TRANK1: variants seen among roughly 807,000 people sequenced by gnomAD.
The protein encoded by TRANK1 is TPR and ankyrin repeat-containing protein 1.
In TRANK1, 198 loss-of-function variants were observed where a neutral mutation model predicts 266.0. The ratio of observed to expected loss-of-function variants is 0.74; its 90% CI spans 0.66 to 0.84. TRANK1 has a LOEUF of 0.84. Among genes scored for constraint, TRANK1 ranks in the 40% least tolerant of loss-of-function variants. The pLI, the probability that TRANK1 is intolerant of heterozygous loss-of-function variation, is 0.00. For missense variants in TRANK1, 3,326 were observed against 3,634.6 expected (o/e 0.92, Z 2.18); for synonymous variants, 1,396 against 1,384.1 (o/e 1.01, Z -0.19).
Position 36,856,305 on chromosome 3 carries a change from C to T in TRANK1, c.3417G>A (p.Glu1139=), listed in dbSNP as rs774168374. The T allele has an allele frequency of 2.7e-5, 42 of 1,581,672 alleles. No individual in the cohort carries two copies. The highest frequency in any genetic ancestry group is 3.6e-5 in the Non-Finnish European group (42 of 1,163,748). ...CCACTTCAATAGAATCTTCCTCTTC[C>T]TCGTCCTCTTCCTCCTCCTCTTCCT... ...GGEEEEEEED[E]EEEDSIEVET... The change falls in exon 13 of 24, where the codon GAG becomes GAA. Residue 1139 remains glutamate (E), a synonymous_variant. Coordinates refer to ENST00000645898, the MANE Select transcript of TRANK1 (RefSeq NM_001329998.2).
At chr3:36,843,192 T>C (rs1428195590) in intron 17 of TRANK1, among the ~76,000 whole-genome samples, 1 of 152,172 alleles carries the variant, frequency 6.6e-6, no homozygotes, top group Non-Finnish European at 1.5e-5. Flanking sequence ...GTCTTTCTAG[T>C]ATTCATGTAA....
At chr3:36,838,766 A>G in intron 18 of TRANK1, 50 bp from the exon 19 acceptor site, 3 of 1,552,290 alleles carry the variant, frequency 1.9e-6, no homozygotes, top group Non-Finnish European at 2.6e-6. Context: ...GAGGTAACAG[A>G]CAGAACAACG....
chr3:36,914,830 G>C (rs993841600), intron 1 of TRANK1, among the ~76,000 whole-genome samples: 1 of 151,498 alleles, frequency 6.6e-6, no homozygotes, highest in Non-Finnish European at 1.5e-5. Flanking sequence ...TAGAGACGGG[G>C]TTTCACCATG....
At chr3:36,865,024 G>GTTGTTTTTTTT (rs58393381) in intron 9 of TRANK1, among the ~76,000 whole-genome samples, 2 of 119,808 alleles carry the variant, frequency 1.7e-5, no homozygotes, top group African/African-American at 3.4e-5. Context: ...TGTTTTTTTG[G>GTTGTTTTTTTT]TTTTTTTTTT....
In TRANK1 at chr3:36,892,285, T is replaced by G; in HGVS notation, c.692A>C (p.Gln231Pro). The change falls in exon 7 of 24, where the codon CAG becomes CCG. Residue 231 changes from glutamine (Q) to proline (P), a missense_variant. By Grantham distance (76) the Gln-to-Pro change is moderately conservative (BLOSUM62 -1). Coordinates refer to ENST00000645898, the MANE Select transcript of TRANK1 (RefSeq NM_001329998.2). Reference sequence around the variant, plus strand: ...ACTTGCACCAATGGAGATGAGCCACTGGACTAACTTGGGCACTTGTTCCAT... The same window carrying G: ...ACTTGCACCAATGGAGATGAGCCACGGGACTAACTTGGGCACTTGTTCCAT... ...EKMEQVPKLV[Q>P]WLISIGASVE... 6.5e-7 allele frequency: 1 copy of G among 1,537,210 alleles called. No individual in the cohort carries two copies. Among genetic ancestry groups the G allele is most frequent in the Non-Finnish European group, 8.7e-7 (1 of 1,146,908 alleles).
chr3:36,877,323 A>G lies in TRANK1; in HGVS notation c.908-3027T>C, dbSNP rs149619948. 3.6e-3 allele frequency among the ~76,000 whole-genome samples: 546 copies of G among 152,376 alleles called. 5 individuals are homozygous for G. The highest frequency in any genetic ancestry group is 0.013 in the African/African-American group (527 of 41,590). On this transcript the variant is annotated intron_variant, in intron 8 of 23. Transcript: ENST00000645898. ...ACTCATTCCTTGCTGCCTAATGGAC[A>G]GAGTAGAATAGACTCTTGATGTATA... is the stretch of plus-strand genomic sequence containing the variant.
intron 15 of TRANK1, among the ~76,000 whole-genome samples, chr3:36,848,064 T>C (rs1347788341): frequency 6.6e-6 from 1 of 152,172 alleles, no homozygotes; most frequent in Non-Finnish European, 1.5e-5. Flanking sequence ...ATTTTTTCTT[T>C]AAAATGTCAA....
At chr3:36,903,408 A>G (rs541909437) in intron 2 of TRANK1, 133 bp from the exon 3 acceptor site, 1 of 1,164,148 alleles carries the variant, frequency 8.6e-7, no homozygotes, top group East Asian at 2.6e-5. Flanking sequence ...CATGCTTATC[A>G]GATCAGTCTC....
chr3:36,883,478 G>T (rs1435476920), intron 8 of TRANK1, among the ~76,000 whole-genome samples: 3 of 143,410 alleles, frequency 2.1e-5, no homozygotes, highest in Non-Finnish European at 4.6e-5. Context: ...AAAGAAAAGA[G>T]AAGAAAGAAA....
intron 7 of TRANK1, among the ~76,000 whole-genome samples, chr3:36,891,798 C>G (rs192457239): frequency 0.013 from 2,023 of 152,300 alleles, 43 homozygotes; most frequent in African/African-American, 0.044. Context: ...TTCTGTGTCC[C>G]ACAACACAGC....
intron 16 of TRANK1, 36 bp downstream of exon 16, chr3:36,847,164 G>A (rs748109107): frequency 6.3e-7 from 1 of 1,586,808 alleles, no homozygotes; most frequent in Non-Finnish European, 8.6e-7. Flanking sequence ...CTACTTCCAT[G>A]TCAAGTACAT....
chr3:36,943,522 C>T (rs2125676081), intron 1 of TRANK1, among the ~76,000 whole-genome samples: 1 of 128,046 alleles, frequency 7.8e-6, no homozygotes, highest in East Asian at 2.4e-4. Flanking sequence ...CAACAAAGAG[C>T]ATATGAACTC....
chr3:36,860,958 G>T lies in TRANK1; in HGVS notation c.1443C>A (p.Ser481Arg), dbSNP rs1267513229. 1 of 1,537,546 alleles carries T rather than the reference G, an allele frequency of 6.5e-7. No individual in the cohort carries two copies. Among genetic ancestry groups the T allele is most frequent in the Non-Finnish European group, 8.7e-7 (1 of 1,147,008 alleles). Residue 481 changes from serine (S) to arginine (R), a missense_variant, in exon 11 of 24, where the codon AGC becomes AGA. Coordinates refer to ENST00000645898, the MANE Select transcript of TRANK1 (RefSeq NM_001329998.2). ...GCTGTTTCTTCCGCTGGTCCCAGGT[G>T]CTGAGATGGGGGATGATGGTACAGA... ...LDICTIIPHL[S>R]TWDQRKKQLL...
chr3:36,906,872 A>G (rs182361506), intron 2 of TRANK1, among the ~76,000 whole-genome samples: 172 of 152,348 alleles, frequency 1.1e-3, no homozygotes, highest in Middle Eastern at 3.4e-3. Context: ...TATTGCTTTA[A>G]GCCCTAAATT....
intron 9 of TRANK1, among the ~76,000 whole-genome samples, chr3:36,868,180 T>C (rs142259660): frequency 6.6e-6 from 1 of 152,368 alleles, no homozygotes; most frequent in East Asian, 1.9e-4. Context: ...TAAATGTATA[T>C]ATAGCTCACA....
rs1348834514 is a variant in TRANK1, at chr3:36,855,499, A to C, written c.4223T>G (p.Phe1408Cys). 2.5e-6 allele frequency: 4 copies of C among 1,613,866 alleles called. No homozygotes were observed. Among genetic ancestry groups the C allele is most frequent in the Non-Finnish European group, 1.7e-6 (2 of 1,179,874 alleles). ...YQQIRSQKGYFDEEDVLYNIS... is the reference protein window; with the variant it reads ...YQQIRSQKGYCDEEDVLYNIS... ...GTTGTACAGAACATCCTCTTCATCA[A>C]AATAACCTTTCTGGGACCTGATTTG... is the stretch of plus-strand genomic sequence containing the variant. Residue 1408 changes from phenylalanine (F) to cysteine (C), a missense_variant, in exon 13 of 24, where the codon TTT (phenylalanine) becomes TGT (cysteine). Coordinates refer to ENST00000645898, the MANE Select transcript of TRANK1 (RefSeq NM_001329998.2).
intron 15 of TRANK1, chr3:36,851,364 AC>A: frequency 9.8e-7 from 1 of 1,023,584 alleles, no homozygotes; most frequent in South Asian, 4.4e-5. Context: ...GACATTGCTA[AC>A]CTTGGCTTCA....
At chr3:36,893,281 T>TAAA (rs34361310) in intron 5 of TRANK1, among the ~76,000 whole-genome samples, 2 of 150,668 alleles carry the variant, frequency 1.3e-5, no homozygotes, top group African/African-American at 2.4e-5. Flanking sequence ...GCAATGAGAT[T>TAAA]ACAAAAAAAA....
In TRANK1 at chr3:36,855,974, G is replaced by C; in HGVS notation, c.3748C>G (p.Leu1250Val). ...GGCAGAGAAGCATCAAGCAGAAGAA[G>C]CAGCTGCTTGGAAGTGACAAACAGA... ...FPLFVTSKQL[L>V]LLLDASLPKP... The change falls in exon 13 of 24, where the codon CTT (leucine) becomes GTT (valine). Residue 1250 changes from leucine to valine, a missense_variant. Transcript: ENST00000645898. The C allele has an allele frequency of 6.2e-7, 1 of 1,613,626 alleles. No individual in the cohort carries two copies.
Sources: gnomAD v4.1 joint callset for allele counts (sites outside exome capture counted in the v4.1 genomes callset) on GRCh38, gnomAD v4.1.1 for gene constraint, MANE v1.5 for transcripts, NCBI Gene and HGNC (gene_info 2026-07-23, HGNC 2026-07-21) for gene names.